Variants in SDK1 observed in about 807,000 individuals in gnomAD.
SDK1 encodes the protein sidekick cell adhesion molecule 1.
SDK1 carries 157 observed loss-of-function variants against 245.5 expected under a neutral mutation model. The ratio of observed to expected loss-of-function variants is 0.64; its 90% CI spans 0.56 to 0.73. The LOEUF (loss-of-function observed/expected upper bound fraction) is 0.73, where lower values mean the gene tolerates loss of function less well. Ranked by LOEUF, SDK1 falls within the 30% of genes least tolerant of loss-of-function variation. The pLI is 0.00. For synonymous variants in SDK1, 1,647 were observed against 1,278.5 expected (o/e 1.29, Z -6.15); for missense variants, 3,583 against 3,002.3 (o/e 1.19, Z -4.52).
intron 4 of SDK1, among the ~76,000 whole-genome samples, chr7:3,790,680 C>T (rs1781053098): frequency 1.3e-5 from 2 of 152,136 alleles, no homozygotes; most frequent in Admixed American, 1.3e-4. Context: ...GTGACGCATG[C>T]CTGTGATCCC....
intron 1 of SDK1, among the ~76,000 whole-genome samples, chr7:3,386,324 C>A (rs1781609112): frequency 6.6e-6 from 1 of 152,120 alleles, no homozygotes; most frequent in Admixed American, 6.5e-5. Flanking sequence ...TTTTAGCTAT[C>A]ATGAATTTCT....
At chr7:4,114,642 G>A (rs1783582905) in intron 25 of SDK1, among the ~76,000 whole-genome samples, 2 of 152,194 alleles carry the variant, frequency 1.3e-5, no homozygotes, top group Non-Finnish European at 2.9e-5. Context: ...GACGTAGTAT[G>A]TTAAGTAATC....
chr7:3,805,948 C>A (rs1779231898), intron 4 of SDK1, among the ~76,000 whole-genome samples: 2 of 152,142 alleles, frequency 1.3e-5, no homozygotes, highest in South Asian at 4.1e-4. Context: ...CTTTACAGAG[C>A]TATTCTAGTT....
At chr7:3,922,907 G>T (rs1380755658) in intron 5 of SDK1, among the ~76,000 whole-genome samples, 1 of 152,100 alleles carries the variant, frequency 6.6e-6, no homozygotes, top group East Asian at 1.9e-4. Flanking sequence ...GATCTTTTGG[G>T]TCAATCTTCC....
At chr7:3,910,869 C>CTGT (rs1779138542) in intron 5 of SDK1, among the ~76,000 whole-genome samples, 1 of 152,174 alleles carries the variant, frequency 6.6e-6, no homozygotes, top group Admixed American at 6.5e-5. Flanking sequence ...AATCGGCATT[C>CTGT]TGTTGTATCC....
chr7:3,769,500 G>T (rs984239330), intron 4 of SDK1, among the ~76,000 whole-genome samples: 4 of 152,142 alleles, frequency 2.6e-5, no homozygotes, highest in African/African-American at 9.7e-5. Context: ...TGAGGTCAGA[G>T]TCCTTATGAT....
chr7:3,454,744 C>T (rs543065948), intron 1 of SDK1, among the ~76,000 whole-genome samples: 1 of 152,224 alleles, frequency 6.6e-6, no homozygotes, highest in East Asian at 1.9e-4. Context: ...TGACTCTTAG[C>T]CCTTTGGAGG....
chr7:4,136,735 A>T (rs1432578259), intron 28 of SDK1, among the ~76,000 whole-genome samples: 1 of 152,234 alleles, frequency 6.6e-6, no homozygotes, highest in Non-Finnish European at 1.5e-5. Context: ...TGCCCTGGCC[A>T]GACACGCGGG....
chr7:3,851,468 C>T (rs376567691), intron 5 of SDK1, among the ~76,000 whole-genome samples: 1 of 152,002 alleles, frequency 6.6e-6, no homozygotes, highest in South Asian at 2.1e-4. Context: ...CTTTGCATTG[C>T]GTGTTTATGT....
chr7:3,695,631 C>T (rs1784548079), intron 4 of SDK1, among the ~76,000 whole-genome samples: 1 of 152,190 alleles, frequency 6.6e-6, no homozygotes, highest in Non-Finnish European at 1.5e-5. Context: ...GCAGTCAGAA[C>T]TATAAAACAT....
At chr7:4,055,327 T>C (rs753214965) in intron 19 of SDK1, among the ~76,000 whole-genome samples, 8 of 152,174 alleles carry the variant, frequency 5.3e-5, no homozygotes, top group Non-Finnish European at 1.2e-4. Flanking sequence ...TTGGGAGTTG[T>C]TGGTTTTCAA....
intron 1 of SDK1, among the ~76,000 whole-genome samples, chr7:3,477,538 G>A (rs1314309009): frequency 6.8e-6 from 1 of 147,408 alleles, no homozygotes; most frequent in African/African-American, 2.5e-5. Flanking sequence ...TTAAGAGATG[G>A]GGGTCTCACT....
chr7:3,684,049 A>C (rs1450373314), intron 4 of SDK1, among the ~76,000 whole-genome samples: 1 of 152,162 alleles, frequency 6.6e-6, no homozygotes, highest in African/African-American at 2.4e-5. Context: ...TCAAGCGTTC[A>C]GGTGCTCAAG....
At chr7:4,112,722 G>A (rs947790093) in intron 23 of SDK1, among the ~76,000 whole-genome samples, 3 of 151,468 alleles carry the variant, frequency 2.0e-5, no homozygotes. Flanking sequence ...TTTCTTTGAA[G>A]TCTTTTAGGG....
intron 1 of SDK1, among the ~76,000 whole-genome samples, chr7:3,319,414 G>C (rs1466952402): frequency 6.6e-6 from 1 of 152,078 alleles, no homozygotes; most frequent in Non-Finnish European, 1.5e-5. Context: ...TGGCCCTCAA[G>C]GTATTAATTC....
intron 4 of SDK1, among the ~76,000 whole-genome samples, chr7:3,758,789 G>C (rs942283531): frequency 6.6e-6 from 1 of 152,146 alleles, no homozygotes; most frequent in African/African-American, 2.4e-5. Flanking sequence ...TAGCCCCTGT[G>C]CTGTCACATC....
intron 1 of SDK1, among the ~76,000 whole-genome samples, chr7:3,418,740 C>G (rs1779452580): frequency 6.6e-6 from 1 of 152,136 alleles, no homozygotes; most frequent in African/African-American, 2.4e-5. Flanking sequence ...CCAGGATGTT[C>G]TACTTTTGAA....
At chr7:3,555,507 G>A (rs1228457397) in intron 1 of SDK1, among the ~76,000 whole-genome samples, 1 of 152,166 alleles carries the variant, frequency 6.6e-6, no homozygotes, top group Non-Finnish European at 1.5e-5. Context: ...CAGGGCATTG[G>A]ATGGGGTAAG....
chr7:3,907,854 C>T (rs1230160806), intron 5 of SDK1, among the ~76,000 whole-genome samples: 4 of 152,196 alleles, frequency 2.6e-5, no homozygotes, highest in Non-Finnish European at 5.9e-5. Flanking sequence ...CAGCTGTGTA[C>T]ACCATGTCTA....
Sources: allele counts gnomAD v4.1 joint callset (sites outside exome capture counted in the v4.1 genomes callset), GRCh38; gene constraint gnomAD v4.1.1; transcripts MANE v1.5; gene names NCBI Gene and HGNC (gene_info 2026-07-23, HGNC 2026-07-21).